Variants in CDH11 observed in about 807,000 individuals in gnomAD.
CDH11 encodes cadherin-11.
Under a neutral mutation model 67.8 loss-of-function variants are expected in CDH11, and 11 were observed. That is an observed-to-expected ratio of 0.16 (90% confidence interval 0.10 to 0.27). The LOEUF (loss-of-function observed/expected upper bound fraction) is 0.27, where lower values mean the gene tolerates loss of function less well. CDH11 is among the 10% of genes least tolerant of loss of function. The pLI is 1.00. For synonymous variants in CDH11, 419 were observed against 400.0 expected (o/e 1.05, Z -0.57); for missense variants, 847 against 1,031.2 (o/e 0.82, Z 2.45).
intron 2 of CDH11, among the ~76,000 whole-genome samples, chr16:65,041,495 T>C (rs960487224): frequency 6.6e-6 from 1 of 152,168 alleles, no homozygotes; most frequent in African/African-American, 2.4e-5. Context: ...AAAAATGTCT[T>C]ATGCCTTGAT....
chr16:65,120,933 C>G (rs1224337239), intron 1 of CDH11, among the ~76,000 whole-genome samples: 1 of 152,196 alleles, frequency 6.6e-6, no homozygotes, highest in Non-Finnish European at 1.5e-5. Context: ...GGGAGCTCTC[C>G]TCGCCGTCCT....
chr16:65,081,714 G>A (rs2142801676), intron 1 of CDH11, among the ~76,000 whole-genome samples: 1 of 151,696 alleles, frequency 6.6e-6, no homozygotes, highest in Middle Eastern at 3.4e-3. Flanking sequence ...TTTTTGTTTT[G>A]TTTTATCTTC....
intron 2 of CDH11, among the ~76,000 whole-genome samples, chr16:65,007,842 C>G (rs1246940266): frequency 1.3e-5 from 2 of 152,126 alleles, no homozygotes; most frequent in African/African-American, 2.4e-5. Context: ...ATTTATATGT[C>G]TGACACCTGA....
At chr16:65,068,139 A>G (rs547563404) in intron 1 of CDH11, among the ~76,000 whole-genome samples, 114 of 145,330 alleles carry the variant, frequency 7.8e-4, no homozygotes, top group African/African-American at 2.8e-3. Flanking sequence ...GGGGGCAGGG[A>G]GAGAGGGAGA....
intron 3 of CDH11, 61 bp downstream of exon 3, chr16:65,004,581 C>A: frequency 4.6e-6 from 7 of 1,523,236 alleles, no homozygotes; most frequent in South Asian, 1.3e-5. Flanking sequence ...TTCTTTCTGG[C>A]CACAGACGAC....
chr16:64,960,669 C>A (rs1192517877), intron 11 of CDH11, among the ~76,000 whole-genome samples: 2 of 152,022 alleles, frequency 1.3e-5, no homozygotes, highest in African/African-American at 4.8e-5. Context: ...ATTTCAGAAA[C>A]TTGACATGGT....
chr16:65,073,754 T>C (rs2074460053), intron 1 of CDH11, among the ~76,000 whole-genome samples: 2 of 152,294 alleles, frequency 1.3e-5, no homozygotes, highest in South Asian at 4.2e-4. Flanking sequence ...TACAAGTCAC[T>C]TGGGGACCTT....
chr16:64,955,194 C>T (rs988203810), intron 11 of CDH11, among the ~76,000 whole-genome samples: 49 of 151,884 alleles, frequency 3.2e-4, no homozygotes, highest in African/African-American at 1.1e-3. Flanking sequence ...TGCAGTGAGC[C>T]GAGATCACGC....
intron 1 of CDH11, among the ~76,000 whole-genome samples, chr16:65,117,612 C>T (rs1163888631): frequency 6.6e-6 from 1 of 152,208 alleles, no homozygotes; most frequent in Non-Finnish European, 1.5e-5. Flanking sequence ...AACAGTAAAA[C>T]ATTTACTGCT....
chr16:64,980,252 G>GA (rs948601552), intron 8 of CDH11, among the ~76,000 whole-genome samples: 34 of 147,464 alleles, frequency 2.3e-4, no homozygotes, highest in East Asian at 7.8e-4. Context: ...TTTCACAACA[G>GA]AAAAAAAAAA....
chr16:64,948,870 G>A, intron 12 of CDH11: 1 of 973,604 alleles, frequency 1.0e-6, no homozygotes, highest in South Asian at 1.7e-5. Flanking sequence ...TCCCCAAGAG[G>A]CTTCTACAAT....
chr16:65,054,241 A>G (rs2074107247), intron 1 of CDH11, among the ~76,000 whole-genome samples: 1 of 152,224 alleles, frequency 6.6e-6, no homozygotes, highest in African/African-American at 2.4e-5. Context: ...TCTTGCATGA[A>G]GAACAAGCTA....
At chr16:64,996,845 A>G (rs999670401) in intron 4 of CDH11, among the ~76,000 whole-genome samples, 3 of 152,130 alleles carry the variant, frequency 2.0e-5, no homozygotes, top group African/African-American at 4.8e-5. Context: ...AATGAACCCA[A>G]TGTTTACCCA....
intron 2 of CDH11, among the ~76,000 whole-genome samples, chr16:65,017,218 C>T (rs1607697): frequency 0.043 from 6,519 of 152,190 alleles, 187 homozygotes; most frequent in Middle Eastern, 0.071. Flanking sequence ...GCAATGCAGC[C>T]TACCATATCT....
intron 2 of CDH11, among the ~76,000 whole-genome samples, chr16:65,011,081 TAC>T (rs2073172835): frequency 1.5e-5 from 2 of 129,764 alleles, no homozygotes; most frequent in Admixed American, 7.8e-5. Context: ...TATGTATATA[TAC>T]ACACACATAT....
chr16:64,989,371 G>A (rs1440685601), intron 6 of CDH11, among the ~76,000 whole-genome samples: 2 of 152,158 alleles, frequency 1.3e-5, no homozygotes, highest in African/African-American at 4.8e-5. Flanking sequence ...ACGCATGCTT[G>A]TGTTAATAAT....
At chr16:65,083,927 A>G (rs1171128444) in intron 1 of CDH11, among the ~76,000 whole-genome samples, 1 of 152,168 alleles carries the variant, frequency 6.6e-6, no homozygotes, top group Non-Finnish European at 1.5e-5. Flanking sequence ...AATCAGAGCA[A>G]TTTTATTTTC....
intron 1 of CDH11, among the ~76,000 whole-genome samples, chr16:65,119,529 G>A (rs1039965728): frequency 2.0e-5 from 3 of 152,144 alleles, no homozygotes; most frequent in African/African-American, 4.8e-5. Flanking sequence ...GCTTCAGTTA[G>A]AACTATTTTA....
chr16:64,947,842 C>T lies in CDH11; in HGVS notation c.2152G>A (p.Asp718Asn), dbSNP rs778660327. 22 of 1,613,974 alleles carry T rather than the reference C, an allele frequency of 1.4e-5. No individual in the cohort carries two copies. The highest frequency in any genetic ancestry group is 3.3e-5 in the Admixed American group (2 of 59,996). The change falls in exon 13 of 13, where the codon GAT becomes AAT. Residue 718 changes from aspartate to asparagine, a missense_variant. Asp to Asn is a conservative substitution (Grantham distance 23). Around this residue, in one of 2 missense-constraint regions of CDH11, gnomAD observed 612 missense variants for 678.7 expected, o/e 0.90. Coordinates refer to ENST00000268603, the MANE Select transcript of CDH11 (RefSeq NM_001797.4). ...LRPAPNSVDV[D>N]DFINTRIQEA... ...TGTATTCTCGTGTTGATGAAGTCATCGACATCCACGCTGTTGGGCGCTGGC... is the reference window on the plus strand; with the variant it reads ...TGTATTCTCGTGTTGATGAAGTCATTGACATCCACGCTGTTGGGCGCTGGC...
Sources: gnomAD v4.1 joint callset for allele counts (sites outside exome capture counted in the v4.1 genomes callset) on GRCh38, gnomAD v4.1.1 for gene constraint, gnomAD v4.1.1 regional missense constraint, MANE v1.5 for transcripts, NCBI Gene and HGNC (gene_info 2026-07-23, HGNC 2026-07-21) for gene names.